The following PLET1 variants were observed in gnomAD, a reference collection of about 807,000 sequenced individuals.
PLET1 encodes the protein placenta expressed transcript 1.
Under a neutral mutation model 18.5 loss-of-function variants are expected in PLET1, and 20 were observed. That is an observed-to-expected ratio of 1.08 (90% confidence interval 0.76 to 1.57). The LOEUF is 1.57. Among genes scored for constraint, PLET1 ranks in the 40% most tolerant of loss-of-function variants. The pLI, the probability that PLET1 is intolerant of heterozygous loss-of-function variation, is 0.00. For missense variants in PLET1, 256 were observed against 246.4 expected (o/e 1.04, Z -0.26); for synonymous variants, 93 against 93.8 (o/e 0.99, Z 0.05).
chr11:112,258,481 G>T (rs1025850878), intron 1 of PLET1, among the ~76,000 whole-genome samples: 3 of 151,828 alleles, frequency 2.0e-5, no homozygotes, highest in Non-Finnish European at 4.4e-5. Flanking sequence ...ACTACGTTTT[G>T]CCATGTTGCT....
Position 112,260,477 on chromosome 11 carries a change from T to C in PLET1, c.113A>G (p.Asp38Gly). The C allele has an allele frequency of 6.4e-7, 1 of 1,551,790 alleles. No homozygotes were observed. The highest frequency in any genetic ancestry group is 1.2e-5 in the South Asian group (1 of 84,054). ...IRYSSTCFTF[D>G]EYYTITLDIK... ...GTCTAGGGTTATGGTGTAGTATTCA[T>C]CAAAGGTGAAGCAGGTGCTACTGTA... Residue 38 changes from aspartate to glycine, a missense_variant, in exon 1 of 4, where the codon GAT becomes GGT. Coordinates refer to ENST00000338832, the MANE Select transcript of PLET1 (RefSeq NM_001145024.1).
intron 3 of PLET1, among the ~76,000 whole-genome samples, chr11:112,251,732 T>C (rs1358163137): frequency 1.3e-5 from 2 of 151,976 alleles, no homozygotes; most frequent in Non-Finnish European, 2.9e-5. Flanking sequence ...TATATATAGC[T>C]CCTTAGAGGG....
chr11:112,249,477 ACT>A (rs1860133100), intron 3 of PLET1, among the ~76,000 whole-genome samples: 1 of 151,914 alleles, frequency 6.6e-6, no homozygotes. Context: ...CAAAGCCCCG[ACT>A]CTGTTTCTGT....
rs377027318 is a variant in PLET1 at position 112,255,425 on chromosome 11, C to T, written c.349G>A (p.Ala117Thr). 1.3e-6 allele frequency: 2 copies of T among 1,552,210 alleles called. No homozygotes were observed. Among genetic ancestry groups the T allele is most frequent in the African/African-American group, 2.7e-5 (2 of 73,032 alleles). ...YMTVLEAQWQ[A>T]PEPENITEVE... is the part of the protein sequence containing the mutation. ...TCAGTTATGTTCTCAGGTTCAGGAG[C>T]TTGCCACTGTGCCTCTAAGACCGTC... The change falls in exon 2 of 4, where the codon GCT (alanine) becomes ACT (threonine). Residue 117 changes from alanine (A) to threonine (T), a missense_variant. Transcript: ENST00000338832.
chr11:112,255,560 C>G lies in PLET1; in HGVS notation c.214G>C (p.Ala72Pro), dbSNP rs2135418344. ...TCGTCCAAGGTTTTCATGACCACAGCATAGACGCTGTCATTCACGGGAACA... is the reference window on the plus strand; with the variant it reads ...TCGTCCAAGGTTTTCATGACCACAGGATAGACGCTGTCATTCACGGGAACA... ...VFVPVNDSVY[A>P]VVMKTLDENS... is the part of the protein sequence containing the mutation. Residue 72 changes from alanine to proline, a missense_variant, in exon 2 of 4, where the codon GCT (alanine) becomes CCT (proline). Ala to Pro is a conservative substitution (Grantham distance 27). Transcript: ENST00000338832. 1 of 1,551,328 alleles carries G rather than the reference C, an allele frequency of 6.4e-7. No homozygotes were observed. The highest frequency in any genetic ancestry group is 1.4e-5 in the African/African-American group (1 of 73,128).
At chr11:112,254,370 T>C (rs996028993) in intron 2 of PLET1, among the ~76,000 whole-genome samples, 2 of 147,476 alleles carry the variant, frequency 1.4e-5, no homozygotes, top group Non-Finnish European at 1.5e-5. Context: ...ATGGTGTGTG[T>C]GGTGTATGTG....
chr11:112,248,650 C>T lies in PLET1; in HGVS notation c.*149G>A. 1.2e-6 allele frequency: 1 copy of T among 857,296 alleles called. No individual in the cohort carries two copies. The highest frequency in any genetic ancestry group is 1.8e-6 in the Non-Finnish European group (1 of 562,916). The allele number at this position is 857,296 out of a possible 1,614,324, so 53.1% of individuals were successfully genotyped here. Reference sequence around the variant, plus strand: ...AGCCTGCCAATGAGTGCCTCCAGATCTTTGTTTTGGTCTGAAGCCGTGGCA... The same window carrying T: ...AGCCTGCCAATGAGTGCCTCCAGATTTTTGTTTTGGTCTGAAGCCGTGGCA... On this transcript the variant is annotated 3_prime_UTR_variant, in exon 4 of 4. Coordinates refer to ENST00000338832, the MANE Select transcript of PLET1 (RefSeq NM_001145024.1).
intron 2 of PLET1, 97 bp downstream of exon 2, chr11:112,255,291 T>C: frequency 8.0e-7 from 1 of 1,251,976 alleles, no homozygotes; most frequent in East Asian, 2.5e-5. Context: ...CCATATCACG[T>C]CTGGATTGTA....
intron 1 of PLET1, among the ~76,000 whole-genome samples, chr11:112,256,369 C>G (rs1441803948): frequency 6.6e-6 from 1 of 152,146 alleles, no homozygotes; most frequent in African/African-American, 2.4e-5. Flanking sequence ...TTCTCCTTAA[C>G]CAAGTGAAGC....
intron 1 of PLET1, among the ~76,000 whole-genome samples, chr11:112,256,917 T>G (rs1256226335): frequency 6.6e-6 from 1 of 152,228 alleles, no homozygotes; most frequent in Admixed American, 6.5e-5. Context: ...TAAATCCTCT[T>G]TCTTCCTTCC....
intron 2 of PLET1, among the ~76,000 whole-genome samples, chr11:112,254,451 G>GGT: frequency 6.8e-6 from 1 of 146,880 alleles, no homozygotes; most frequent in East Asian, 2.1e-4. Context: ...ACGTGTGTGT[G>GGT]GTGTGTGTGG....
Position 112,248,457 on chromosome 11 carries a change from G to C in PLET1, c.*342C>G, listed in dbSNP as rs1860122676. 2.5e-6 allele frequency: 1 copy of C among 407,286 alleles called. No homozygotes were observed. Among genetic ancestry groups the C allele is most frequent in the Non-Finnish European group, 4.3e-6 (1 of 232,144 alleles). The allele number at this position is 407,286 out of a possible 1,614,324, so 25.2% of individuals were successfully genotyped here. On this transcript the variant is annotated 3_prime_UTR_variant, in exon 4 of 4. Transcript: ENST00000338832. ...TTCCCACAGAAACTCAGAGGTTGCA[G>C]GGGAATCATTTGGCAGTGAACAAAA...
At chr11:112,258,465 G>A (rs1414867665) in intron 1 of PLET1, among the ~76,000 whole-genome samples, 1 of 151,780 alleles carries the variant, frequency 6.6e-6, no homozygotes, top group Non-Finnish European at 1.5e-5. Flanking sequence ...TGTGTTTTTA[G>A]TAAAGACTAC....
At chr11:112,250,818 C>G (rs780803354) in intron 3 of PLET1, among the ~76,000 whole-genome samples, 3 of 152,174 alleles carry the variant, frequency 2.0e-5, no homozygotes, top group Non-Finnish European at 4.4e-5. Context: ...GTAACATTTA[C>G]ACAAGGGTTC....
intron 2 of PLET1, among the ~76,000 whole-genome samples, chr11:112,254,190 G>GGTGTGTGT (rs60070587): frequency 0.23 from 32,638 of 140,858 alleles, 3,897 homozygotes; most frequent in South Asian, 0.5. Context: ...GAGCATAAGT[G>GGTGTGTGT]GTGTGTGTGT....
At chr11:112,254,611 TATG>T (rs1485993830) in intron 2 of PLET1, among the ~76,000 whole-genome samples, 53 of 126,752 alleles carry the variant, frequency 4.2e-4, no homozygotes, top group African/African-American at 1.4e-3. Context: ...GGCATGTGTG[TATG>T]GTGTGTGTGG....
At chr11:112,258,763 T>C (rs957080421) in intron 1 of PLET1, among the ~76,000 whole-genome samples, 2 of 152,220 alleles carry the variant, frequency 1.3e-5, no homozygotes, top group Non-Finnish European at 2.9e-5. Flanking sequence ...CTCCCTGCCC[T>C]GTCAGGACAA....
chr11:112,258,417 G>T (rs1860248338), intron 1 of PLET1, among the ~76,000 whole-genome samples: 1 of 151,608 alleles, frequency 6.6e-6, no homozygotes, highest in African/African-American at 2.4e-5. Context: ...CTGAGTAGCT[G>T]GGATCACAGG....
Position 112,253,673 on chromosome 11 carries a change from G to C in PLET1, c.387-1264C>G, listed in dbSNP as rs1385864960. ...ACTGCTGTCATTGGGAAGCTGGATT[G>C]TAGTAGCTCCCATTGGGTTCTACTC... On this transcript the variant is annotated intron_variant, in intron 2 of 3. Transcript: ENST00000338832. Among the ~76,000 whole-genome samples the C allele has an allele frequency of 2.0e-5, 3 of 152,226 alleles. No homozygotes were observed. The East Asian group carries it at 5.8e-4, about 29-fold the overall frequency.
Sources: allele counts gnomAD v4.1 joint callset (sites outside exome capture counted in the v4.1 genomes callset), GRCh38; gene constraint gnomAD v4.1.1; transcripts MANE v1.5; gene names NCBI Gene and HGNC (gene_info 2026-07-23, HGNC 2026-07-21).